Variants in ACACA observed in about 807,000 individuals in gnomAD.
ACACA encodes the protein acetyl-CoA carboxylase alpha.
Under a neutral mutation model 296.1 loss-of-function variants are expected in ACACA, and 103 were observed. That is an observed-to-expected ratio of 0.35 (90% confidence interval 0.30 to 0.41). ACACA has a LOEUF of 0.41. Ranked by LOEUF, ACACA falls within the 10% of genes least tolerant of loss-of-function variation. ACACA has a pLI of 1.00. For missense variants in ACACA, 1,554 were observed against 2,989.7 expected (o/e 0.52, Z 11.20); for synonymous variants, 953 against 1,038.6 (o/e 0.92, Z 1.58).
At chr17:37,092,942 T>C (rs1206193945) in intron 54 of ACACA, among the ~76,000 whole-genome samples, 3 of 152,116 alleles carry the variant, frequency 2.0e-5, no homozygotes, top group Admixed American at 1.3e-4. Context: ...TTCCAAGGGC[T>C]TTAGAGTACA....
chr17:37,390,275 T>TA (rs1400576678), intron 1 of ACACA, among the ~76,000 whole-genome samples: 75 of 68,564 alleles, frequency 1.1e-3, no homozygotes, highest in African/African-American at 4.8e-3. Flanking sequence ...ATATATAATA[T>TA]ATTATATATA....
intron 52 of ACACA, among the ~76,000 whole-genome samples, chr17:37,104,132 T>TA (rs1256181096): frequency 4.6e-5 from 7 of 152,020 alleles, no homozygotes; most frequent in South Asian, 2.1e-4. Context: ...AAAGAAATTG[T>TA]AAAAAAAATC....
At chr17:37,130,427 C>T (rs1050838942) in intron 45 of ACACA, among the ~76,000 whole-genome samples, 3 of 152,198 alleles carry the variant, frequency 2.0e-5, no homozygotes, top group Middle Eastern at 3.4e-3. Flanking sequence ...CTGCCAGCTG[C>T]GCTAAGAGGG....
intron 1 of ACACA, among the ~76,000 whole-genome samples, chr17:37,350,090 G>A (rs6607369): frequency 0.043 from 6,567 of 152,092 alleles, 474 homozygotes; most frequent in African/African-American, 0.15. Flanking sequence ...AACACTTTCG[G>A]AGGCTGAGGC....
At chr17:37,152,087 G>A (rs1037815346) in intron 43 of ACACA, among the ~76,000 whole-genome samples, 7 of 152,040 alleles carry the variant, frequency 4.6e-5, no homozygotes, top group African/African-American at 1.7e-4. Context: ...GAGCCACCGC[G>A]CCCGGCCAAG....
intron 52 of ACACA, among the ~76,000 whole-genome samples, chr17:37,100,914 T>C (rs1185636695): frequency 1.3e-5 from 2 of 152,090 alleles, no homozygotes; most frequent in African/African-American, 2.4e-5. Context: ...CTGGCCAACA[T>C]GGCAAGACCT....
At chr17:37,276,881 G>T in intron 7 of ACACA, 152 bp downstream of exon 7, 1 of 729,310 alleles carries the variant, frequency 1.4e-6, no homozygotes, top group Non-Finnish European at 2.4e-6. Context: ...GAAATGAAGA[G>T]GGTTACTCTG....
chr17:37,130,249 G>T (rs1202614477), intron 45 of ACACA, 31 bp from the exon 46 acceptor site: 3 of 1,613,036 alleles, frequency 1.9e-6, no homozygotes, highest in Admixed American at 1.7e-5. Context: ...AAAGACATTT[G>T]TCTCTATAGA....
At chr17:37,303,423 T>C (rs2083723845) in intron 3 of ACACA, among the ~76,000 whole-genome samples, 2 of 152,248 alleles carry the variant, frequency 1.3e-5, no homozygotes, top group Admixed American at 6.5e-5. Flanking sequence ...GTTTCCATTT[T>C]GTGGCTCTTA....
At chr17:37,227,440 G>A (rs2079590025) in intron 25 of ACACA, among the ~76,000 whole-genome samples, 1 of 152,006 alleles carries the variant, frequency 6.6e-6, no homozygotes. Flanking sequence ...GGCTGGGCAG[G>A]GTGGCTCACA....
intron 6 of ACACA, among the ~76,000 whole-genome samples, chr17:37,277,663 A>G (rs1395576727): frequency 6.6e-6 from 1 of 152,234 alleles, no homozygotes; most frequent in Non-Finnish European, 1.5e-5. Flanking sequence ...CCTAGAATAA[A>G]TAATCTCTGA....
chr17:37,349,577 GAC>G (rs1357712328), intron 1 of ACACA, among the ~76,000 whole-genome samples: 1 of 139,138 alleles, frequency 7.2e-6, no homozygotes, highest in Non-Finnish European at 1.5e-5. Flanking sequence ...TTTTTTTTGA[GAC>G]AGAGTCTCGC....
At chr17:37,338,990 T>TA (rs2048265700) in intron 2 of ACACA, among the ~76,000 whole-genome samples, 1 of 75,402 alleles carries the variant, frequency 1.3e-5, no homozygotes, top group African/African-American at 1.0e-4. Context: ...GGAAAAGGGG[T>TA]AAAAGGGAGG....
At chr17:37,283,817 C>T (rs1403180224) in intron 4 of ACACA, among the ~76,000 whole-genome samples, 1 of 152,214 alleles carries the variant, frequency 6.6e-6, no homozygotes, top group Non-Finnish European at 1.5e-5. Flanking sequence ...AGGTACAGAG[C>T]ACTGAACATG....
chr17:37,207,091 A>G (rs1310010589), intron 31 of ACACA, among the ~76,000 whole-genome samples: 2 of 152,200 alleles, frequency 1.3e-5, no homozygotes, highest in African/African-American at 2.4e-5. Flanking sequence ...TAAACCATAT[A>G]TATTTTTTCT....
At position 37,086,311 on chromosome 17, in the gene ACACA, C is replaced by A. The variant is rs2072193284; in HGVS notation, c.*1005G>T. ...CTAGGGAAGAGTGAGTGTGGAGGCA[C>A]CATTAACCTCTCAAAACCATCCAAG... On this transcript the variant is annotated 3_prime_UTR_variant, in exon 56 of 56. Transcript: ENST00000616317. The A allele has an allele frequency of 6.5e-6, 1 of 152,926 alleles. No homozygotes were observed. The highest frequency in any genetic ancestry group is 1.5e-5 in the Non-Finnish European group (1 of 68,590). 9.5% of individuals were successfully genotyped at this position (152,926 alleles called of 1,614,324 possible).
intron 3 of ACACA, among the ~76,000 whole-genome samples, chr17:37,318,981 T>C (rs994927384): frequency 2.0e-5 from 3 of 152,246 alleles, no homozygotes; most frequent in Admixed American, 2.0e-4. Context: ...ATGCAATTAA[T>C]ACCAATTGTT....
At chr17:37,327,088 A>G (rs2047658045) in intron 3 of ACACA, among the ~76,000 whole-genome samples, 1 of 152,164 alleles carries the variant, frequency 6.6e-6, no homozygotes, top group Admixed American at 6.5e-5. Flanking sequence ...CCCTTAATCT[A>G]TGTCACCCAT....
chr17:37,264,561 G>C lies in ACACA; in HGVS notation c.1120-667C>G, dbSNP rs192956945. Among the ~76,000 whole-genome samples the C allele has an allele frequency of 1.9e-4, 29 of 152,226 alleles. No individual in the cohort carries two copies. The East Asian group carries it at 5.4e-3, about 28-fold the overall frequency. On this transcript the variant is annotated intron_variant, in intron 10 of 55. Transcript: ENST00000616317. ...ATTTACTCTGATAAGCATAGATGTGGTTCTTTGTATTTGTCTTGCTTGAGG... is the reference window on the plus strand; with the variant it reads ...ATTTACTCTGATAAGCATAGATGTGCTTCTTTGTATTTGTCTTGCTTGAGG...
Sources: allele counts gnomAD v4.1 joint callset (sites outside exome capture counted in the v4.1 genomes callset), GRCh38; gene constraint gnomAD v4.1.1; transcripts MANE v1.5; gene names NCBI Gene and HGNC (gene_info 2026-07-23, HGNC 2026-07-21).